LAMC2: variants seen among roughly 807,000 people sequenced by gnomAD.
LAMC2 encodes laminin subunit gamma 2, also known as laminin subunit gamma-2.
Under a neutral mutation model 140.2 loss-of-function variants are expected in LAMC2, and 97 were observed. That is an observed-to-expected ratio of 0.69 (90% confidence interval 0.59 to 0.82). LAMC2 has a LOEUF of 0.82. Ranked by LOEUF, LAMC2 falls within the 40% of genes least tolerant of loss-of-function variation. The pLI, the probability that LAMC2 is intolerant of heterozygous loss-of-function variation, is 0.00. For missense variants in LAMC2, 1,402 were observed against 1,476.1 expected, an observed-to-expected ratio of 0.95 and a Z score of 0.82; for synonymous variants, 513 against 540.2, an observed-to-expected ratio of 0.95 and a Z score of 0.70.
intron 12 of LAMC2, 78 bp from the exon 13 acceptor site, chr1:183,232,109 C>A (rs1298774731): frequency 6.5e-7 from 1 of 1,549,742 alleles, no homozygotes; most frequent in Non-Finnish European, 8.9e-7. Flanking sequence ...TAGTATTATC[C>A]CCTGGGTACC....
At position 183,207,973 on chromosome 1, in the gene LAMC2, G is replaced by A. The variant is rs1231872627; in HGVS notation, c.172G>A (p.Asp58Asn). Reference protein sequence around the residue: ...GNGFRCLNCNDNTDGIHCEKC... With the variant: ...GNGFRCLNCNNNTDGIHCEKC... Reference sequence around the variant, plus strand: ...TGGATTCCGCTGCCTCAACTGCAATGACAACACTGATGGCATTCACTGCGA... The same window carrying A: ...TGGATTCCGCTGCCTCAACTGCAATAACAACACTGATGGCATTCACTGCGA... Residue 58 changes from aspartate (D) to asparagine (N), a missense_variant, in exon 2 of 23, where the codon GAC (aspartate) becomes AAC (asparagine). By Grantham distance (23) the Asp-to-Asn change is conservative (BLOSUM62 1). Transcript: ENST00000264144. 11 of 1,613,924 alleles carry A rather than the reference G, an allele frequency of 6.8e-6. No individual in the cohort carries two copies. The Middle Eastern group carries it at 6.6e-4, about 97-fold the overall frequency.
In LAMC2 at chr1:183,232,779, C is replaced by T. The variant is rs764404585; in HGVS notation, c.2142C>T (p.Asn714=). The T allele has an allele frequency of 1.2e-6, 2 of 1,614,108 alleles. No individual in the cohort carries two copies. The highest frequency in any genetic ancestry group is 2.7e-5 in the African/African-American group (2 of 75,046). The change falls in exon 14 of 23, where the codon AAC becomes AAT. Residue 714 remains asparagine, a synonymous_variant. Transcript: ENST00000264144. ...RVRALGSQYQ[N]RVRDTHRLIT... is the part of the protein sequence containing the mutation. ...GGGCTCTGGGAAGTCAGTACCAGAA[C>T]CGAGTTCGGGATACTCACAGGCTCA...
chr1:183,215,511 A>G lies in LAMC2; in HGVS notation c.327A>G (p.Thr109=). Residue 109 remains threonine (T), a synonymous_variant, in exon 3 of 23, where the codon ACA becomes ACG. Transcript: ENST00000264144. The part of the protein sequence containing the change: ...SGRCSCKPGV[T]GARCDRCLPG... ...GGTGCAGCTGTAAACCAGGTGTGAC[A>G]GGAGCCAGATGCGACCGATGTCTGC... 1 of 1,614,212 alleles carries G rather than the reference A, an allele frequency of 6.2e-7. No homozygotes were observed. The highest frequency in any genetic ancestry group is 8.5e-7 in the Non-Finnish European group (1 of 1,180,054).
At chr1:183,218,267 G>A (rs1367328593) in intron 3 of LAMC2, 123 bp from the exon 4 acceptor site, 3 of 787,716 alleles carry the variant, frequency 3.8e-6, no homozygotes, top group Non-Finnish European at 6.6e-6. Flanking sequence ...ATGGCTAGGA[G>A]AAGCCTCATC....
intron 9 of LAMC2, among the ~76,000 whole-genome samples, chr1:183,227,126 T>C (rs751975104): frequency 1.2e-4 from 19 of 152,186 alleles, no homozygotes; most frequent in Non-Finnish European, 2.2e-4. Context: ...GGTGCCAGGT[T>C]ACAGGAAATG....
rs1010547673 is a variant in LAMC2 at position 183,227,580 on chromosome 1, A to G, written c.1351A>G (p.Asn451Asp). The G allele has an allele frequency of 3.7e-6, 6 of 1,614,106 alleles. No homozygotes were observed. The East Asian group carries it at 1.1e-4, about 30-fold the overall frequency. ...ECADCPIGFYNDPHDPRSCKP... is the reference protein window; with the variant it reads ...ECADCPIGFYDDPHDPRSCKP... ...TGCTGACTGCCCAATTGGTTTCTAC[A>G]ACGATCCGCACGACCCCCGCAGCTG... The change falls in exon 10 of 23, where the codon AAC (asparagine) becomes GAC (aspartate). Residue 451 changes from asparagine to aspartate, a missense_variant. This residue lies in a region of LAMC2 where 723 missense variants were observed against 783.3 expected (regional missense o/e 0.92). Transcript: ENST00000264144.
chr1:183,221,621 C>T (rs533636697), intron 5 of LAMC2, among the ~76,000 whole-genome samples: 14 of 151,804 alleles, frequency 9.2e-5, no homozygotes, highest in African/African-American at 2.7e-4. Flanking sequence ...CCCAGCTACT[C>T]GGGAGGCTGA....
chr1:183,234,482 G>C (rs767365507), intron 15 of LAMC2, 36 bp downstream of exon 15: 2 of 1,505,918 alleles, frequency 1.3e-6, no homozygotes, highest in African/African-American at 1.4e-5. Flanking sequence ...GCTTCAAGCC[G>C]TCTCTGCAAG....
chr1:183,232,148 G>A (rs1435799200), intron 12 of LAMC2, 39 bp from the exon 13 acceptor site: 3 of 1,611,800 alleles, frequency 1.9e-6, no homozygotes, highest in Non-Finnish European at 2.5e-6. Context: ...TGGGTACATG[G>A]TCTCCACCCT....
the LAMC2 span, chr1:183,252,576 C>T: frequency 1.8e-6 from 2 of 1,113,126 alleles, no homozygotes; most frequent in African/African-American, 1.5e-5. Context: ...AACAGAGAGG[C>T]AGGAGAGAAA....
intron 7 of LAMC2, among the ~76,000 whole-genome samples, chr1:183,225,369 CTGGATCTGGACT>C (rs1455337252): frequency 6.6e-6 from 1 of 152,178 alleles, no homozygotes; most frequent in Non-Finnish European, 1.5e-5. Context: ...GATGTCACCC[CTGGATCTGGACT>C]TCCCACACTG....
At chr1:183,240,597 C>T (rs1326881827) in intron 22 of LAMC2, 2 of 1,432,276 alleles carry the variant, frequency 1.4e-6, no homozygotes, top group Non-Finnish European at 1.8e-6. Flanking sequence ...AGATGGGTCA[C>T]TGAACACCTA....
intron 4 of LAMC2, 135 bp from the exon 5 acceptor site, chr1:183,220,690 A>G: frequency 1.1e-6 from 1 of 881,208 alleles, no homozygotes; most frequent in Non-Finnish European, 1.8e-6. Context: ...GATATGCAAA[A>G]TCTGGTATTT....
chr1:183,206,637 G>A (rs2102193569), intron 1 of LAMC2, among the ~76,000 whole-genome samples: 1 of 133,472 alleles, frequency 7.5e-6, no homozygotes, highest in South Asian at 2.4e-4. Flanking sequence ...GGGCGACAGA[G>A]CAAGACTTGG....
At chr1:183,258,529 T>G in the LAMC2 span, among the ~76,000 whole-genome samples, 1 of 152,206 alleles carries the variant, frequency 6.6e-6, no homozygotes, top group Admixed American at 6.5e-5. Context: ...AAACTTAGTT[T>G]ATAGTTTAAA....
chr1:183,237,556 A>G, intron 18 of LAMC2, 52 bp downstream of exon 18: 1 of 1,414,990 alleles, frequency 7.1e-7, no homozygotes, highest in Non-Finnish European at 9.9e-7. Context: ...AATGCCCACC[A>G]TATGAATAAA....
chr1:183,227,101 C>T (rs1294714905), intron 9 of LAMC2, among the ~76,000 whole-genome samples, 185 bp downstream of exon 9: 2 of 152,118 alleles, frequency 1.3e-5, no homozygotes, highest in African/African-American at 4.8e-5. Flanking sequence ...GGAAATGCCA[C>T]AAAGTTGTGA....
chr1:183,225,695 C>T lies in LAMC2; in HGVS notation c.1041C>T (p.Arg347=). The change falls in exon 8 of 23, where the codon CGC becomes CGT. Residue 347 remains arginine (R), a synonymous_variant. Coordinates refer to ENST00000264144, the MANE Select transcript of LAMC2 (RefSeq NM_005562.3). The stretch of plus-strand genomic sequence containing the variant: ...TACTGCGGAATCTCACAGCCCTCCG[C>T]ATCCGAGCTACATATGGAGAATACA... ...RRLLRNLTAL[R]IRATYGEYST... is the part of the protein sequence containing the mutation. 1 of 1,612,254 alleles carries T rather than the reference C, an allele frequency of 6.2e-7. No homozygotes were observed. Among genetic ancestry groups the T allele is most frequent in the Non-Finnish European group, 8.5e-7 (1 of 1,178,260 alleles).
chr1:183,237,819 G>A (rs1212039765), intron 18 of LAMC2, among the ~76,000 whole-genome samples: 2 of 152,176 alleles, frequency 1.3e-5, no homozygotes, highest in African/African-American at 2.4e-5. Flanking sequence ...TCATGAGTTC[G>A]AGGCTGCAGT....
Sources: allele counts gnomAD v4.1 joint callset (sites outside exome capture counted in the v4.1 genomes callset), GRCh38; gene constraint gnomAD v4.1.1; regional missense constraint gnomAD v4.1.1; transcripts MANE v1.5; gene names NCBI Gene and HGNC (gene_info 2026-07-23, HGNC 2026-07-21).